Variants in ARHGEF10L observed in about 807,000 individuals in gnomAD.
ARHGEF10L encodes rho guanine nucleotide exchange factor 10-like protein.
A neutral mutation model predicts 141.2 loss-of-function variants in ARHGEF10L; 69 were observed. That is an observed-to-expected ratio of 0.49 (90% CI 0.40 to 0.60). The LOEUF is 0.60. ARHGEF10L is among the 20% of genes least tolerant of loss of function. The pLI is 0.00. For missense variants in ARHGEF10L, 1,482 were observed against 1,734.3 expected, an observed-to-expected ratio of 0.85 and a Z score of 2.58; for synonymous variants, 711 against 718.5, an observed-to-expected ratio of 0.99 and a Z score of 0.17.
chr1:17,649,270 C>G (rs1476043397), intron 22 of ARHGEF10L, among the ~76,000 whole-genome samples: 2 of 152,240 alleles, frequency 1.3e-5, no homozygotes, highest in African/African-American at 4.8e-5. Flanking sequence ...CCTTGCCCTG[C>G]CTGATCACAA....
chr1:17,582,544 G>GT (rs1451967468), intron 2 of ARHGEF10L, among the ~76,000 whole-genome samples: 1 of 152,208 alleles, frequency 6.6e-6, no homozygotes, highest in Non-Finnish European at 1.5e-5. Flanking sequence ...ATTCCTGCGC[G>GT]TGTCTTCAGC....
At chr1:17,519,264 A>C in the ARHGEF10L span, among the ~76,000 whole-genome samples, 2 of 151,984 alleles carry the variant, frequency 1.3e-5, no homozygotes, top group Admixed American at 6.6e-5. Context: ...GTCTCATTTA[A>C]TTCTCACAAA....
intron 21 of ARHGEF10L, among the ~76,000 whole-genome samples, chr1:17,641,911 G>T (rs557932266): frequency 6.6e-6 from 1 of 151,244 alleles, no homozygotes; most frequent in Admixed American, 6.6e-5. Flanking sequence ...AACCTAGGAG[G>T]CGGAGGTTGC....
At chr1:17,631,325 T>C (rs1571089268) in intron 15 of ARHGEF10L, among the ~76,000 whole-genome samples, 1 of 152,014 alleles carries the variant, frequency 6.6e-6, no homozygotes, top group Non-Finnish European at 1.5e-5. Context: ...CCTGGATGGG[T>C]TGGTGGCCCT....
chr1:17,610,896 G>A (rs1419721147), intron 7 of ARHGEF10L, among the ~76,000 whole-genome samples: 11 of 152,116 alleles, frequency 7.2e-5, no homozygotes, highest in Non-Finnish European at 1.5e-4. Flanking sequence ...GGAAGCAGCT[G>A]CCTCATCCTG....
chr1:17,610,472 C>T lies in ARHGEF10L; in HGVS notation c.609+2495C>T, dbSNP rs568870026. 3.3e-5 allele frequency among the ~76,000 whole-genome samples: 5 copies of T among 152,334 alleles called. No individual in the cohort carries two copies. In the South Asian group the frequency reaches 1.0e-3, roughly 32 times the overall value. On this transcript the variant is annotated intron_variant, in intron 7 of 28. Transcript: ENST00000361221. ...CTTGGAGTTTTTCTCTGGCCGTGGCCAAGGCCCACCTGCTCGCTGATCAGC... is the reference window on the plus strand; with the variant it reads ...CTTGGAGTTTTTCTCTGGCCGTGGCTAAGGCCCACCTGCTCGCTGATCAGC...
In ARHGEF10L at chr1:17,580,568, G is replaced by T. The variant is rs775507056; in HGVS notation, c.-28G>T. 2.5e-6 allele frequency: 4 copies of T among 1,614,112 alleles called. No individual in the cohort carries two copies. In the South Asian group the frequency reaches 4.4e-5, roughly 18 times the overall value. The stretch of plus-strand genomic sequence containing the variant: ...CTTTCCACAGGTGTGTAGCTGGGAC[G>T]GTGCTGGTCTGAGCTGGACCTTGTC... On this transcript the variant is annotated 5_prime_UTR_variant, in exon 2 of 29. Transcript: ENST00000361221.
intron 15 of ARHGEF10L, among the ~76,000 whole-genome samples, chr1:17,632,076 G>A (rs1035616112): frequency 6.6e-6 from 1 of 152,218 alleles, no homozygotes; most frequent in Admixed American, 6.5e-5. Flanking sequence ...TGGCTGCTGG[G>A]CCCACACGGG....
chr1:17,559,055 G>A (rs2077450729), intron 1 of ARHGEF10L, among the ~76,000 whole-genome samples: 1 of 152,222 alleles, frequency 6.6e-6, no homozygotes, highest in South Asian at 2.1e-4. Flanking sequence ...ATGATGTGGG[G>A]AGAGTGGTGG....
rs1210567122 is a variant in ARHGEF10L at position 17,656,656 on chromosome 1, C to T, written c.2808C>T (p.His936=). 1.2e-5 allele frequency: 20 copies of T among 1,613,586 alleles called. No individual in the cohort carries two copies. Among genetic ancestry groups the T allele is most frequent in the Non-Finnish European group, 1.6e-5 (19 of 1,180,030 alleles). The change falls in exon 25 of 29, where the codon CAC becomes CAT. Residue 936 remains histidine (H), a synonymous_variant. Transcript: ENST00000361221. The surrounding 1 kb of genome is among the most constrained non-coding windows in gnomAD (Gnocchi z 4.9). ...TCTGCCTGCGACACAGCCCCTTCCA[C>T]CTGCTCGCTGGCCTGCAGGATGGGA... The part of the protein sequence containing the change: ...PVLCLRHSPF[H]LLAGLQDGTL...
the ARHGEF10L span, among the ~76,000 whole-genome samples, chr1:17,522,537 C>T: frequency 6.6e-6 from 1 of 151,936 alleles, no homozygotes; most frequent in Non-Finnish European, 1.5e-5. Flanking sequence ...CTGGCTCCTC[C>T]TCTCGGTGGT....
chr1:17,671,067 C>T (rs1017278683), intron 26 of ARHGEF10L, among the ~76,000 whole-genome samples: 6 of 152,268 alleles, frequency 3.9e-5, no homozygotes, highest in Non-Finnish European at 7.3e-5. Flanking sequence ...TGCAGTTGTC[C>T]GTCTGCACCG....
At chr1:17,665,344 C>T (rs555654603) in intron 26 of ARHGEF10L, among the ~76,000 whole-genome samples, 32 of 152,312 alleles carry the variant, frequency 2.1e-4, no homozygotes, top group Admixed American at 1.8e-3. Context: ...TGCTCAACAG[C>T]CTGGCAGAGA....
Position 17,655,867 on chromosome 1 carries a change from C to T in ARHGEF10L, c.2482-12C>T. 6.4e-7 allele frequency: 1 copy of T among 1,550,654 alleles called. No homozygotes were observed. Among genetic ancestry groups the T allele is most frequent in the South Asian group, 1.2e-5 (1 of 83,998 alleles). Reference sequence around the variant, plus strand: ...TTCCCACCTGATGGCCTCTCTGGGTCTCTGCTCCCAGGTCGGGGGCGGACA... The same window carrying T: ...TTCCCACCTGATGGCCTCTCTGGGTTTCTGCTCCCAGGTCGGGGGCGGACA... On this transcript the variant is annotated splice_polypyrimidine_tract_variant and intron_variant, in intron 23 of 28. Transcript: ENST00000361221.
chr1:17,667,261 G>C (rs6688353), intron 26 of ARHGEF10L, among the ~76,000 whole-genome samples: 2,976 of 152,294 alleles, frequency 0.02, 99 homozygotes, highest in African/African-American at 0.067. Flanking sequence ...CCAGCCCTTG[G>C]GGCAACCTTC....
At chr1:17,560,959 G>C (rs1054134442) in intron 1 of ARHGEF10L, among the ~76,000 whole-genome samples, 2 of 152,246 alleles carry the variant, frequency 1.3e-5, no homozygotes, top group Non-Finnish European at 2.9e-5. Flanking sequence ...ACGTGAGCAA[G>C]AGTGAGAACA....
In ARHGEF10L at chr1:17,625,080, T is replaced by A. The variant is rs1430598533; in HGVS notation, c.1317+577T>A. On this transcript the variant is annotated intron_variant, in intron 13 of 28. Transcript: ENST00000361221. The surrounding 1 kb of genome is among the most constrained non-coding windows in gnomAD (Gnocchi z 4.5). ...CTAGGTGCCAGGACACGCACACATGTGCCGGCAGCACAGGTTAGATGCCAC... is the reference window on the plus strand; with the variant it reads ...CTAGGTGCCAGGACACGCACACATGAGCCGGCAGCACAGGTTAGATGCCAC... Among the ~76,000 whole-genome samples the A allele has an allele frequency of 6.6e-6, 1 of 152,196 alleles. No homozygotes were observed. Among genetic ancestry groups the A allele is most frequent in the African/African-American group, 2.4e-5 (1 of 41,438 alleles).
the ARHGEF10L span, among the ~76,000 whole-genome samples, chr1:17,518,603 C>T: frequency 6.6e-6 from 1 of 151,230 alleles, no homozygotes; most frequent in Non-Finnish European, 1.5e-5. Context: ...ACCAGCCTAG[C>T]CAACATGGTG....
At chr1:17,628,018 C>A (rs2101615073) in intron 15 of ARHGEF10L, among the ~76,000 whole-genome samples, 1 of 151,660 alleles carries the variant, frequency 6.6e-6, no homozygotes, top group African/African-American at 2.4e-5. Context: ...GGGGTTGCCG[C>A]TTAGGAACAT....
Sources: allele counts gnomAD v4.1 joint callset (sites outside exome capture counted in the v4.1 genomes callset), GRCh38; gene constraint gnomAD v4.1.1; non-coding constraint Gnocchi (gnomAD v3.1); transcripts MANE v1.5; gene names NCBI Gene and HGNC (gene_info 2026-07-23, HGNC 2026-07-21).